The following AGAP1 variants were observed in gnomAD, a reference collection of about 807,000 sequenced individuals.
The protein encoded by AGAP1 is arf-GAP with GTPase, ANK repeat and PH domain-containing protein 1.
In AGAP1, 29 loss-of-function variants were observed where a neutral mutation model predicts 105.3. The observed-to-expected ratio is 0.28, with a 90% CI of 0.21 to 0.38. AGAP1 has a LOEUF of 0.38. AGAP1 is among the 10% of genes least tolerant of loss of function. The pLI, the probability that AGAP1 is intolerant of heterozygous loss-of-function variation, is 1.00. For missense variants in AGAP1, 998 were observed against 1,165.1 expected (o/e 0.86, Z 2.09); for synonymous variants, 509 against 485.9 (o/e 1.05, Z -0.63).
rs1946282842 is a variant in AGAP1 at position 235,615,615 on chromosome 2, TC to T, written c.164-93560del. 6.6e-6 allele frequency among the ~76,000 whole-genome samples: 1 copy of T among 152,190 alleles called. No homozygotes were observed. The highest frequency in any genetic ancestry group is 1.5e-5 in the Non-Finnish European group (1 of 68,032). On this transcript the variant is annotated intron_variant, in intron 1 of 17. Transcript: ENST00000304032. The surrounding 1 kb of genome is among the most constrained non-coding windows in gnomAD (Gnocchi z 5.0). ...GGAAGTGGGGTCAGCTTTCCTCTGCTCCCCTGACTTCACAGGATAGCTATGC... is the reference window on the plus strand; with the variant it reads ...GGAAGTGGGGTCAGCTTTCCTCTGCTCCCTGACTTCACAGGATAGCTATGC...
intron 1 of AGAP1, among the ~76,000 whole-genome samples, chr2:235,629,755 G>C (rs1174887875): frequency 6.7e-6 from 1 of 149,988 alleles, no homozygotes; most frequent in African/African-American, 2.5e-5. Flanking sequence ...GCGTGTACTT[G>C]TAGTCCCAGC....
chr2:235,934,637 C>T lies in AGAP1; in HGVS notation c.1483+3714C>T, dbSNP rs549413618. On this transcript the variant is annotated intron_variant, in intron 12 of 17. Transcript: ENST00000304032. This position sits in a 1 kb window ranked among gnomAD's most constrained non-coding sequence, Gnocchi z 4.9. ...ACATGATTAAGAGCTTTCTGTCATGCTCTTTCTTCTTAAGTTGCCGGTGAT... is the reference window on the plus strand; with the variant it reads ...ACATGATTAAGAGCTTTCTGTCATGTTCTTTCTTCTTAAGTTGCCGGTGAT... Among the ~76,000 whole-genome samples the T allele has an allele frequency of 5.3e-5, 8 of 152,296 alleles. No homozygotes were observed. The East Asian group carries it at 1.4e-3, about 26-fold the overall frequency.
Position 236,120,897 on chromosome 2 carries a change from C to G in AGAP1, c.2370+450C>G, listed in dbSNP as rs570983647. 6.6e-6 allele frequency among the ~76,000 whole-genome samples: 1 copy of G among 152,338 alleles called. No individual in the cohort carries two copies. The highest frequency in any genetic ancestry group is 1.9e-4 in the East Asian group (1 of 5,190). ...TTCGAACCATTCTGATTAATTTCTA[C>G]TGGGGAAAAGTATTATTTACATTCC... On this transcript the variant is annotated intron_variant, in intron 17 of 17. Coordinates refer to ENST00000304032, the MANE Select transcript of AGAP1 (RefSeq NM_001037131.3). This position sits in a 1 kb window ranked among gnomAD's most constrained non-coding sequence, Gnocchi z 6.0.
rs552983110 is a variant in AGAP1 at position 236,051,395 on chromosome 2, C to G, written c.2114+2114C>G. Among the ~76,000 whole-genome samples, 62 of 152,260 alleles carry G rather than the reference C, an allele frequency of 4.1e-4. No individual in the cohort carries two copies. Among genetic ancestry groups the G allele is most frequent in the African/African-American group, 1.5e-3 (61 of 41,556 alleles). ...AGGCTCTCAGGGCTGCCTGAGGATG[C>G]CAGGGCTCGGGAGGGTGCATTCTGG... On this transcript the variant is annotated intron_variant, in intron 16 of 17. Coordinates refer to ENST00000304032, the MANE Select transcript of AGAP1 (RefSeq NM_001037131.3). This position sits in a 1 kb window ranked among gnomAD's most constrained non-coding sequence, Gnocchi z 5.9.
At chr2:235,653,897 A>C (rs1947691726) in intron 1 of AGAP1, among the ~76,000 whole-genome samples, 1 of 152,136 alleles carries the variant, frequency 6.6e-6, no homozygotes, top group Non-Finnish European at 1.5e-5. Flanking sequence ...TCTCTACTAA[A>C]AATACAAAAT....
chr2:235,573,013 TTC>T (rs536420764), intron 1 of AGAP1, among the ~76,000 whole-genome samples: 6,258 of 29,036 alleles, frequency 0.22, 739 homozygotes, highest in African/African-American at 0.38. Context: ...CTTCTTCTTC[TTC>T]TTCTTCTTCT....
intron 1 of AGAP1, among the ~76,000 whole-genome samples, chr2:235,693,510 G>T (rs1949845180): frequency 1.3e-5 from 2 of 152,168 alleles, no homozygotes; most frequent in African/African-American, 2.4e-5. Flanking sequence ...CTGAACAGAG[G>T]GACAGGCTGG....
At chr2:235,508,107 G>A (rs763837463) in intron 1 of AGAP1, among the ~76,000 whole-genome samples, 43 of 152,114 alleles carry the variant, frequency 2.8e-4, no homozygotes, top group Non-Finnish European at 4.7e-4. Context: ...TGCACAGGGC[G>A]TGATCTCATT....
chr2:235,494,845 CG>C lies in AGAP1; in HGVS notation c.160del (p.Glu54LysfsTer5). ...AGATCCGGGAGCACGTCATCGCCATCGAAGGTGAGGGCCGGGCCGCCTTGGG... is the reference window on the plus strand; with the variant it reads ...AGATCCGGGAGCACGTCATCGCCATCAAGGTGAGGGCCGGGCCGCCTTGGG... ...NQIREHVIAIEDAFVNSQEWT... is the reference protein window; with the variant it reads ...NQIREHVIAIXDAFVNSQEWT... On this transcript the variant is annotated frameshift_variant, in exon 1 of 18. Coordinates refer to ENST00000304032, the MANE Select transcript of AGAP1 (RefSeq NM_001037131.3). LOFTEE classifies it high-confidence loss of function. 2 of 1,568,012 alleles carry C rather than the reference CG, an allele frequency of 1.3e-6. No homozygotes were observed. Among genetic ancestry groups the C allele is most frequent in the Non-Finnish European group, 1.7e-6 (2 of 1,157,120 alleles).
chr2:236,021,112 G>C (rs1041296634), intron 13 of AGAP1, among the ~76,000 whole-genome samples: 2 of 148,082 alleles, frequency 1.4e-5, no homozygotes, highest in Non-Finnish European at 3.0e-5. Context: ...GTTGCAGTGA[G>C]CCAAGATCGT....
intron 6 of AGAP1, among the ~76,000 whole-genome samples, chr2:235,768,666 G>A (rs1353421688): frequency 1.3e-5 from 2 of 152,208 alleles, no homozygotes; most frequent in Non-Finnish European, 2.9e-5. Context: ...AGTAAACTCC[G>A]GCGGCATCCA....
rs909234399 is a variant in AGAP1 at position 235,700,681 on chromosome 2, T to C, written c.164-8498T>C. On this transcript the variant is annotated intron_variant, in intron 1 of 17. Coordinates refer to ENST00000304032, the MANE Select transcript of AGAP1 (RefSeq NM_001037131.3). This position sits in a 1 kb window ranked among gnomAD's most constrained non-coding sequence, Gnocchi z 6.1. ...CAGGCATGGTAGCGCGTGCCTGTAG[T>C]CCCAGCTACTCAAGAGACTGAGGCG... Among the ~76,000 whole-genome samples the C allele has an allele frequency of 6.6e-6, 1 of 151,900 alleles. No homozygotes were observed. The highest frequency in any genetic ancestry group is 2.4e-5 in the African/African-American group (1 of 41,346).
Position 235,930,689 on chromosome 2 carries a change from G to C in AGAP1, c.1325-76G>C. 1 of 1,477,168 alleles carries C rather than the reference G, an allele frequency of 6.8e-7. No individual in the cohort carries two copies. The highest frequency in any genetic ancestry group is 9.2e-7 in the Non-Finnish European group (1 of 1,088,336). The allele number at this position is 1,477,168 out of a possible 1,614,324, so 91.5% of individuals were successfully genotyped here. A position where few individuals can be genotyped will look rare whatever the true frequency, so the allele number is the denominator to read the frequency against. ...AGGTGCACTATGTGCCAGCGTGTGGGTCCCATAGACTAACTCGCGCTGGTT... is the reference window on the plus strand; with the variant it reads ...AGGTGCACTATGTGCCAGCGTGTGGCTCCCATAGACTAACTCGCGCTGGTT... On this transcript the variant is annotated intron_variant, in intron 11 of 17. Coordinates refer to ENST00000304032, the MANE Select transcript of AGAP1 (RefSeq NM_001037131.3). This position sits in a 1 kb window ranked among gnomAD's most constrained non-coding sequence, Gnocchi z 7.9.
chr2:235,805,176 A>T (rs1016014891), intron 8 of AGAP1, among the ~76,000 whole-genome samples: 1 of 152,178 alleles, frequency 6.6e-6, no homozygotes, highest in African/African-American at 2.4e-5. Context: ...GTCTCCGGCA[A>T]ATTGTTAAAG....
At chr2:235,686,614 G>GATATAT (rs1380519556) in intron 1 of AGAP1, among the ~76,000 whole-genome samples, 4 of 37,922 alleles carry the variant, frequency 1.1e-4, no homozygotes, top group Admixed American at 4.3e-4. Context: ...TATACGTGGA[G>GATATAT]ATATAGATAT....
At chr2:235,984,412 A>G (rs2055218628) in intron 13 of AGAP1, among the ~76,000 whole-genome samples, 1 of 150,984 alleles carries the variant, frequency 6.6e-6, no homozygotes, top group Non-Finnish European at 1.5e-5. Context: ...TAAACCTAGG[A>G]GTGGAATTGC....
chr2:235,936,506 C>T lies in AGAP1; in HGVS notation c.1483+5583C>T, dbSNP rs559333591. Among the ~76,000 whole-genome samples the T allele has an allele frequency of 2.6e-5, 4 of 152,308 alleles. No homozygotes were observed. In the South Asian group the frequency reaches 8.3e-4, roughly 32 times the overall value. ...TGGGGGTTCGAAACATGAGTTTCAGCTTCGGAAGCTGTCTGTCCCACACTT... is the reference window on the plus strand; with the variant it reads ...TGGGGGTTCGAAACATGAGTTTCAGTTTCGGAAGCTGTCTGTCCCACACTT... On this transcript the variant is annotated intron_variant, in intron 12 of 17. Transcript: ENST00000304032. This position sits in a 1 kb window ranked among gnomAD's most constrained non-coding sequence, Gnocchi z 4.7.
rs1559170824 is a variant in AGAP1, at chr2:235,993,088, A to T, written c.1645+24465A>T. On this transcript the variant is annotated intron_variant, in intron 13 of 17. Coordinates refer to ENST00000304032, the MANE Select transcript of AGAP1 (RefSeq NM_001037131.3). This position sits in a 1 kb window ranked among gnomAD's most constrained non-coding sequence, Gnocchi z 5.0. ...ACATCTGAAAATGACTTTAGCAGAG[A>T]TTCTAGCTAATACATGGAGTTGTGC... Among the ~76,000 whole-genome samples, 1 of 152,192 alleles carries T rather than the reference A, an allele frequency of 6.6e-6. No individual in the cohort carries two copies. Among genetic ancestry groups the T allele is most frequent in the Non-Finnish European group, 1.5e-5 (1 of 68,032 alleles).
intron 1 of AGAP1, among the ~76,000 whole-genome samples, chr2:235,563,370 C>T (rs554721757): frequency 1.8e-3 from 279 of 152,308 alleles, no homozygotes; most frequent in Non-Finnish European, 3.1e-3. Context: ...ATCACACTGC[C>T]GTGCCTCTTG....
Sources: allele counts gnomAD v4.1 joint callset (sites outside exome capture counted in the v4.1 genomes callset), GRCh38; gene constraint gnomAD v4.1.1; non-coding constraint Gnocchi (gnomAD v3.1); transcripts MANE v1.5; gene names NCBI Gene and HGNC (gene_info 2026-07-23, HGNC 2026-07-21).